The following NRXN1 variants were observed in gnomAD, a reference collection of about 807,000 sequenced individuals.
NRXN1 encodes neurexin-1.
NRXN1 carries 39 observed loss-of-function variants against 150.9 expected under a neutral mutation model. That is an observed-to-expected ratio of 0.26 (90% CI 0.20 to 0.34). The LOEUF (loss-of-function observed/expected upper bound fraction) is 0.34. NRXN1 is among the 10% of genes least tolerant of loss of function. NRXN1 has a pLI of 1.00. For synonymous variants in NRXN1, 924 were observed against 757.0 expected (o/e 1.22, Z -3.62); for missense variants, 1,815 against 1,949.9 (o/e 0.93, Z 1.30).
At chr2:50,363,836 C>T (rs555494823) in intron 17 of NRXN1, among the ~76,000 whole-genome samples, 1 of 152,154 alleles carries the variant, frequency 6.6e-6, no homozygotes, top group Admixed American at 6.5e-5. Flanking sequence ...GACTTGCAAC[C>T]AACCCAAATG....
At chr2:50,683,778 A>T (rs1226224468) in intron 5 of NRXN1, among the ~76,000 whole-genome samples, 1 of 149,810 alleles carries the variant, frequency 6.7e-6, no homozygotes, top group Non-Finnish European at 1.5e-5. Context: ...AGCACAGTAC[A>T]GTGACTGATG....
chr2:50,340,624 G>C (rs750976187), intron 17 of NRXN1, among the ~76,000 whole-genome samples: 2 of 151,928 alleles, frequency 1.3e-5, no homozygotes, highest in Non-Finnish European at 2.9e-5. Flanking sequence ...CCTGGGAAAA[G>C]ACAACAAGAC....
At chr2:50,643,062 C>T (rs538266192) in intron 5 of NRXN1, among the ~76,000 whole-genome samples, 44 of 151,934 alleles carry the variant, frequency 2.9e-4, no homozygotes, top group African/African-American at 8.9e-4. Context: ...GAAATAAAAG[C>T]TCAAGATATT....
chr2:50,809,215 A>G (rs1341707801), intron 5 of NRXN1, among the ~76,000 whole-genome samples: 2 of 152,062 alleles, frequency 1.3e-5, no homozygotes, highest in Non-Finnish European at 1.5e-5. Context: ...GGACTTAGTA[A>G]AAGTCCTCAA....
intron 5 of NRXN1, among the ~76,000 whole-genome samples, chr2:50,792,192 C>A (rs889913199): frequency 2.0e-5 from 3 of 151,632 alleles, no homozygotes; most frequent in African/African-American, 7.3e-5. Context: ...GAATTATGTA[C>A]GAGAAAACTA....
chr2:50,118,271 C>G (rs899992019), intron 18 of NRXN1, among the ~76,000 whole-genome samples: 1 of 152,112 alleles, frequency 6.6e-6, no homozygotes, highest in African/African-American at 2.4e-5. Context: ...GCCTAAGAGT[C>G]TGCATTCCTC....
At chr2:50,708,450 G>A (rs1694730862) in intron 5 of NRXN1, among the ~76,000 whole-genome samples, 1 of 152,128 alleles carries the variant, frequency 6.6e-6, no homozygotes, top group African/African-American at 2.4e-5. Flanking sequence ...ATTTGTTGTT[G>A]CTGCTGGGAA....
chr2:50,318,357 T>G (rs540103713), intron 17 of NRXN1, among the ~76,000 whole-genome samples: 1 of 151,990 alleles, frequency 6.6e-6, no homozygotes, highest in Non-Finnish European at 1.5e-5. Flanking sequence ...GGACAGCAGG[T>G]GAATGGTAAG....
chr2:50,456,938 A>G (rs2087625277), intron 17 of NRXN1, among the ~76,000 whole-genome samples: 2 of 152,298 alleles, frequency 1.3e-5, no homozygotes, highest in South Asian at 4.1e-4. Flanking sequence ...TCATTGGTCA[A>G]CACAATTCTG....
chr2:50,443,522 G>A (rs556637673), intron 17 of NRXN1, among the ~76,000 whole-genome samples: 28 of 152,296 alleles, frequency 1.8e-4, no homozygotes, highest in African/African-American at 6.5e-4. Context: ...TCATGTTACC[G>A]AGTAGAAAGG....
At chr2:50,231,919 T>G (rs1242696854) in intron 18 of NRXN1, among the ~76,000 whole-genome samples, 1 of 152,144 alleles carries the variant, frequency 6.6e-6, no homozygotes, top group African/African-American at 2.4e-5. Flanking sequence ...ATTATTTAAG[T>G]CATTATCAGT....
intron 13 of NRXN1, among the ~76,000 whole-genome samples, chr2:50,500,768 T>A (rs917183510): frequency 6.6e-6 from 1 of 152,234 alleles, no homozygotes; most frequent in Non-Finnish European, 1.5e-5. Flanking sequence ...CCAAGTCAAA[T>A]ATTTTTACCA....
chr2:50,465,554 G>T lies in NRXN1; in HGVS notation c.3252C>A (p.Ser1084Arg). ...AACATGAGTCCTCTTGGCAGGTTGT[G>T]CTGGGCCCTGCAAAACAATCCAAAG... ...GQIERGCEGP[S>R]TTCQEDSCSN... Residue 1084 changes from serine (S) to arginine (R), a missense_variant, in exon 17 of 23, where the codon AGC becomes AGA. Physicochemically the swap from Ser to Arg is moderately radical, Grantham distance 110. Coordinates refer to ENST00000401669, the MANE Select transcript of NRXN1 (RefSeq NM_001330078.2). The T allele has an allele frequency of 1.2e-6, 2 of 1,606,800 alleles. No homozygotes were observed. Among genetic ancestry groups the T allele is most frequent in the Non-Finnish European group, 1.7e-6 (2 of 1,176,198 alleles).
chr2:50,619,678 C>T (rs1490645320), intron 8 of NRXN1: 2 of 384,340 alleles, frequency 5.2e-6, no homozygotes, highest in Non-Finnish European at 9.2e-6. Context: ...GTATGCATAA[C>T]ACCTATGGCA....
chr2:50,952,763 G>GT (rs982249147), intron 2 of NRXN1, among the ~76,000 whole-genome samples: 14 of 152,186 alleles, frequency 9.2e-5, no homozygotes, highest in African/African-American at 3.4e-4. Flanking sequence ...TCTAGCTGCT[G>GT]TTTTTTCTAC....
At chr2:50,474,080 C>G (rs2089761144) in intron 15 of NRXN1, among the ~76,000 whole-genome samples, 1 of 151,860 alleles carries the variant, frequency 6.6e-6, no homozygotes, top group African/African-American at 2.4e-5. Flanking sequence ...GACTATTAAC[C>G]ATCATTCTTA....
intron 5 of NRXN1, among the ~76,000 whole-genome samples, chr2:50,751,481 T>C (rs1187879625): frequency 6.6e-6 from 1 of 151,990 alleles, no homozygotes; most frequent in East Asian, 1.9e-4. Flanking sequence ...AAGGTATAAC[T>C]GCTTTGCATG....
Position 50,653,026 on chromosome 2 carries a change from C to T in NRXN1, c.833-29411G>A, listed in dbSNP as rs569006508. Among the ~76,000 whole-genome samples the T allele has an allele frequency of 4.6e-5, 7 of 151,920 alleles. No homozygotes were observed. The East Asian group carries it at 1.4e-3, about 30-fold the overall frequency. On this transcript the variant is annotated intron_variant, in intron 5 of 22. Transcript: ENST00000401669. ...AGTATTCCTTGACTTTTGTAATGTC[C>T]CCTTTTTCCTGTATACCTATTTCCT...
chr2:51,019,489 C>T (rs1489572002), intron 2 of NRXN1, among the ~76,000 whole-genome samples: 6 of 152,058 alleles, frequency 3.9e-5, no homozygotes, highest in Non-Finnish European at 2.9e-5. Flanking sequence ...GGAGAGGCAT[C>T]TAGTCCATTT....
Sources: allele counts gnomAD v4.1 joint callset (sites outside exome capture counted in the v4.1 genomes callset), GRCh38; gene constraint gnomAD v4.1.1; transcripts MANE v1.5; gene names NCBI Gene and HGNC (gene_info 2026-07-23, HGNC 2026-07-21).